ASAP1: variants seen among roughly 807,000 people sequenced by gnomAD.
ASAP1 encodes arf-GAP with SH3 domain, ANK repeat and PH domain-containing protein 1.
A neutral mutation model predicts 145.2 loss-of-function variants in ASAP1; 43 were observed. The observed-to-expected ratio is 0.30, with a 90% CI of 0.23 to 0.38. The LOEUF is 0.38. Among genes scored for constraint, ASAP1 ranks in the 10% least tolerant of loss-of-function variants. The probability of loss-of-function intolerance (pLI) is 1.00; values close to 1 mark genes in which losing one functional copy is unlikely to be tolerated. For synonymous variants in ASAP1, 546 were observed against 515.5 expected (o/e 1.06, Z -0.80); for missense variants, 1,018 against 1,355.3 (o/e 0.75, Z 3.91).
Position 130,065,531 on chromosome 8 carries a change from A to C in ASAP1, c.2702-4462T>G, listed in dbSNP as rs539711345. On this transcript the variant is annotated intron_variant, in intron 27 of 29. Coordinates refer to ENST00000518721, the MANE Select transcript of ASAP1 (RefSeq NM_018482.4). ...AGGGCAGGAGAGATTCTGTTTCCTG[A>C]GGCCTAACACATCCAGCATTACAAC... is the stretch of plus-strand genomic sequence containing the variant. 2.2e-3 allele frequency among the ~76,000 whole-genome samples: 339 copies of C among 152,298 alleles called. 1 individual carries two copies. Among genetic ancestry groups the C allele is most frequent in the Non-Finnish European group, 3.0e-3 (207 of 68,010 alleles).
At chr8:130,428,721 A>G (rs1473538724) in intron 1 of ASAP1, among the ~76,000 whole-genome samples, 1 of 149,830 alleles carries the variant, frequency 6.7e-6, no homozygotes, top group Admixed American at 6.6e-5. Context: ...CACCATCATC[A>G]TCATCACTAC....
At chr8:130,097,163 T>TAAAAAAAA in intron 24 of ASAP1, among the ~76,000 whole-genome samples, 1 of 69,884 alleles carries the variant, frequency 1.4e-5, no homozygotes, top group Non-Finnish European at 3.0e-5. Flanking sequence ...AAAAAAAAAG[T>TAAAAAAAA]CCTTGAAAAC....
intron 1 of ASAP1, among the ~76,000 whole-genome samples, chr8:130,436,003 G>A (rs919735027): frequency 6.6e-6 from 1 of 152,174 alleles, no homozygotes; most frequent in East Asian, 1.9e-4. Context: ...GGGCTCTCCT[G>A]GGGCATGAGC....
chr8:130,132,718 G>A (rs569867750), intron 15 of ASAP1, among the ~76,000 whole-genome samples: 1 of 152,260 alleles, frequency 6.6e-6, no homozygotes, highest in East Asian at 1.9e-4. Context: ...TATTCTCAAG[G>A]CTTTGCATAG....
At chr8:130,185,015 A>G (rs1039001537) in intron 7 of ASAP1, among the ~76,000 whole-genome samples, 3 of 152,242 alleles carry the variant, frequency 2.0e-5, no homozygotes, top group African/African-American at 7.2e-5. Context: ...CAAATAGAAG[A>G]CCACAGAAAA....
intron 3 of ASAP1, among the ~76,000 whole-genome samples, chr8:130,353,729 G>C (rs1366662588): frequency 1.3e-5 from 2 of 152,152 alleles, no homozygotes; most frequent in Non-Finnish European, 2.9e-5. Context: ...AATTAGCCAG[G>C]CATGGCGGTG....
intron 3 of ASAP1, among the ~76,000 whole-genome samples, chr8:130,278,499 T>A (rs890039648): frequency 6.6e-6 from 1 of 152,230 alleles, no homozygotes; most frequent in East Asian, 1.9e-4. Flanking sequence ...TTCTGTTTCA[T>A]TAGAAACACA....
intron 24 of ASAP1, among the ~76,000 whole-genome samples, chr8:130,106,198 G>A (rs2097536538): frequency 6.6e-6 from 1 of 151,862 alleles, no homozygotes; most frequent in South Asian, 2.1e-4. Context: ...AAACCCAAAT[G>A]AAAAAAACAC....
At chr8:130,351,902 G>T (rs911065234) in intron 3 of ASAP1, among the ~76,000 whole-genome samples, 1 of 152,232 alleles carries the variant, frequency 6.6e-6, no homozygotes, top group Non-Finnish European at 1.5e-5. Context: ...TAACAGGCTT[G>T]TGCCTTGTTT....
chr8:130,192,816 G>C (rs1381687183), intron 5 of ASAP1, among the ~76,000 whole-genome samples: 1 of 152,022 alleles, frequency 6.6e-6, no homozygotes, highest in East Asian at 1.9e-4. Context: ...GCACAGAGAG[G>C]GTGCTCAAAA....
chr8:130,219,727 C>CT (rs1160997752), intron 4 of ASAP1, among the ~76,000 whole-genome samples: 3 of 152,204 alleles, frequency 2.0e-5, no homozygotes, highest in Admixed American at 6.5e-5. Context: ...AAGACACATT[C>CT]TTTCCCAATA....
chr8:130,326,791 T>G (rs1218031489), intron 3 of ASAP1, among the ~76,000 whole-genome samples: 1 of 152,228 alleles, frequency 6.6e-6, no homozygotes, highest in Admixed American at 6.5e-5. Context: ...AATTTAATGC[T>G]TCTCTCCACA....
chr8:130,190,126 T>C (rs1474752639), intron 5 of ASAP1, among the ~76,000 whole-genome samples: 2 of 152,206 alleles, frequency 1.3e-5, no homozygotes, highest in Admixed American at 6.5e-5. Flanking sequence ...GTTTCCTTTG[T>C]GGTGCAGAAG....
intron 24 of ASAP1, among the ~76,000 whole-genome samples, chr8:130,099,057 C>T (rs2097524074): frequency 7.0e-6 from 1 of 142,360 alleles, no homozygotes; most frequent in Non-Finnish European, 1.5e-5. Flanking sequence ...GTTGCCCAGG[C>T]TGGAATGCTG....
chr8:130,145,651 G>C (rs150602195), intron 13 of ASAP1, among the ~76,000 whole-genome samples: 4 of 152,210 alleles, frequency 2.6e-5, no homozygotes, highest in Admixed American at 2.6e-4. Context: ...TGAGAACACA[G>C]CATTTACTCA....
intron 3 of ASAP1, among the ~76,000 whole-genome samples, chr8:130,348,935 A>G (rs1352809280): frequency 1.3e-5 from 2 of 152,244 alleles, no homozygotes; most frequent in African/African-American, 4.8e-5. Flanking sequence ...AGCCCCAGCA[A>G]GAATCAGAAG....
intron 3 of ASAP1, among the ~76,000 whole-genome samples, chr8:130,300,042 A>G (rs939583805): frequency 2.6e-5 from 4 of 151,802 alleles, no homozygotes; most frequent in Non-Finnish European, 4.4e-5. Flanking sequence ...ATTTAGCCAA[A>G]ACAAAAGACG....
At chr8:130,333,617 A>G (rs1824837292) in intron 3 of ASAP1, among the ~76,000 whole-genome samples, 1 of 152,166 alleles carries the variant, frequency 6.6e-6, no homozygotes, top group Non-Finnish European at 1.5e-5. Flanking sequence ...AAACAAAACA[A>G]AACAAAACAA....
At chr8:130,337,859 C>A (rs1301780229) in intron 3 of ASAP1, among the ~76,000 whole-genome samples, 1 of 152,210 alleles carries the variant, frequency 6.6e-6, no homozygotes, top group Non-Finnish European at 1.5e-5. Context: ...AAAATCGAAC[C>A]TACATATAAA....
Sources: gnomAD v4.1 joint callset for allele counts (sites outside exome capture counted in the v4.1 genomes callset) on GRCh38, gnomAD v4.1.1 for gene constraint, MANE v1.5 for transcripts, NCBI Gene and HGNC (gene_info 2026-07-23, HGNC 2026-07-21) for gene names.